The following MUC5AC variants were observed in gnomAD, a reference collection of about 807,000 sequenced individuals.
MUC5AC encodes mucin 5AC, oligomeric mucus/gel-forming, also known as mucin-5AC.
A neutral mutation model predicts 169.7 loss-of-function variants in MUC5AC; 158 were observed. The ratio of observed to expected loss-of-function variants is 0.93; its 90% confidence interval spans 0.82 to 1.06. MUC5AC has a LOEUF of 1.06. Among genes scored for constraint, MUC5AC ranks in the 50% least tolerant of loss-of-function variants. The pLI is 0.00. For missense variants in MUC5AC, 4,359 were observed against 3,089.9 expected (o/e 1.41, Z -9.74); for synonymous variants, 1,975 against 1,237.0 (o/e 1.60, Z -12.52).
At chr11:1,200,310 C>CA in intron 48 of MUC5AC, 128 bp from the exon 49 acceptor site, 1 of 601,190 alleles carries the variant, frequency 1.7e-6, no homozygotes, top group Non-Finnish European at 3.0e-6. Context: ...AGCTGGTTGT[C>CA]AGACACTGGC....
intron 43 of MUC5AC, among the ~76,000 whole-genome samples, chr11:1,198,542 C>T (rs1861342834): frequency 6.6e-6 from 1 of 150,410 alleles, no homozygotes; most frequent in African/African-American, 2.4e-5. Flanking sequence ...GGGACTTTGC[C>T]TCTCCTGGCA....
chr11:1,166,389 A>G (rs28699476), intron 11 of MUC5AC, among the ~76,000 whole-genome samples: 13,097 of 96,244 alleles, frequency 0.14, 1,696 homozygotes, highest in Non-Finnish European at 0.16. Context: ...GTCTCTCCAC[A>G]ATGAGACCCT....
At chr11:1,162,678 A>C in intron 5 of MUC5AC, 32 bp downstream of exon 5, 11 of 1,591,712 alleles carry the variant, frequency 6.9e-6, no homozygotes, top group Non-Finnish European at 9.5e-6. Flanking sequence ...CCGGTGTGCA[A>C]CTCCAGCCCT....
chr11:1,200,770 G>A lies in MUC5AC; in HGVS notation c.*68G>A. On this transcript the variant is annotated 3_prime_UTR_variant, in exon 49 of 49. Coordinates refer to ENST00000621226, the MANE Select transcript of MUC5AC (RefSeq NM_001304359.2). ...ATGTCCTCTGAGCTCGGCTTCCAAG[G>A]CCAGTGGAACTTGTGCCCCTGTCCA... The A allele has an allele frequency of 3.0e-6, 2 of 666,790 alleles. No individual in the cohort carries two copies. The highest frequency in any genetic ancestry group is 5.4e-6 in the Non-Finnish European group (2 of 368,070). The allele number at this position is 666,790 out of a possible 1,614,324, so 41.3% of individuals were successfully genotyped here.
intron 11 of MUC5AC, 103 bp from the exon 12 acceptor site, chr11:1,167,774 G>C (rs1860378144): frequency 1.0e-6 from 1 of 994,326 alleles, no homozygotes; most frequent in Non-Finnish European, 1.5e-6. Context: ...GTGGAGTGGG[G>C]TTTTCTAGTG....
chr11:1,159,825 C>T lies in MUC5AC; in HGVS notation c.74-787C>T, dbSNP rs1396712430. Among the ~76,000 whole-genome samples the T allele has an allele frequency of 2.9e-3, 60 of 20,566 alleles. 5 individuals are homozygous for T. Among genetic ancestry groups the T allele is most frequent in the African/African-American group, 8.7e-3 (59 of 6,820 alleles). The allele number at this position is 20,566 out of a possible 152,430, so 13.5% of individuals were successfully genotyped here. Reference sequence around the variant, plus strand: ...TCTGTGCAGGGCTGTGCAGGGCTGGCGTCTGGCCCCACCATGCTGGTTCTG... The same window carrying T: ...TCTGTGCAGGGCTGTGCAGGGCTGGTGTCTGGCCCCACCATGCTGGTTCTG... On this transcript the variant is annotated intron_variant, in intron 1 of 48. Coordinates refer to ENST00000621226, the MANE Select transcript of MUC5AC (RefSeq NM_001304359.2).
Position 1,195,001 on chromosome 11 carries a change from C to T in MUC5AC, c.15191-11C>T, listed in dbSNP as rs369196743. ...CTGTCCAGCAGCCTGACCCCCACCG[C>T]GTCTGCCCAGGCACTTGCACCAACG... On this transcript the variant is annotated splice_polypyrimidine_tract_variant and intron_variant, in intron 35 of 48. Coordinates refer to ENST00000621226, the MANE Select transcript of MUC5AC (RefSeq NM_001304359.2). 64 of 722,156 alleles carry T rather than the reference C, an allele frequency of 8.9e-5. No individual in the cohort carries two copies. The highest frequency in any genetic ancestry group is 6.9e-5 in the African/African-American group (4 of 58,146). The allele number at this position is 722,156 out of a possible 1,614,324, so 44.7% of individuals were successfully genotyped here.
chr11:1,163,181 AGCACACACGT>A (rs1288302929), intron 6 of MUC5AC, 136 bp downstream of exon 6: 11 of 837,380 alleles, frequency 1.3e-5, no homozygotes, highest in Non-Finnish European at 2.2e-5. Context: ...CTCCTAGCAC[AGCACACACGT>A]GCACACACGC....
intron 15 of MUC5AC, among the ~76,000 whole-genome samples, chr11:1,171,546 TACTCAACCACCC>T (rs1860537453): frequency 5.0e-5 from 1 of 19,882 alleles, no homozygotes; most frequent in South Asian, 1.7e-3. Flanking sequence ...CTCACTCACC[TACTCAACCACCC>T]ACTCACCCAC....
chr11:1,196,329 C>T (rs1018991509), intron 37 of MUC5AC, 59 bp from the exon 38 acceptor site: 210 of 755,562 alleles, frequency 2.8e-4, no homozygotes, highest in Non-Finnish European at 3.1e-4. Context: ...CCCAGCGGCC[C>T]GCGTTGCTCT....
chr11:1,173,818 A>G (rs1564910760), intron 16 of MUC5AC, among the ~76,000 whole-genome samples: 1 of 133,538 alleles, frequency 7.5e-6, no homozygotes, highest in Non-Finnish European at 1.6e-5. Flanking sequence ...TCCTTCACTC[A>G]CTCATTCACT....
In MUC5AC at chr11:1,184,227, A is replaced by T. The variant is rs1317123191; in HGVS notation, c.6082A>T (p.Asn2028Tyr). ...HTEGLICLNK[N>Y]QLPPICYNYE... is the part of the protein sequence containing the mutation. ...AGAGGGGCTGATTTGCCTGAACAAG[A>T]ACCAGCTCCCACCCATCTGCTACAA... The change falls in exon 31 of 49, where the codon AAC (asparagine) becomes TAC (tyrosine). Residue 2028 changes from asparagine to tyrosine, a missense_variant. Physicochemically the swap from Asn to Tyr is moderately radical, Grantham distance 143. Transcript: ENST00000621226. 9.9e-6 allele frequency: 4 copies of T among 405,242 alleles called. No individual in the cohort carries two copies. Among genetic ancestry groups the T allele is most frequent in the Non-Finnish European group, 1.7e-5 (4 of 230,762 alleles). The allele number at this position is 405,242 out of a possible 1,614,324, so 25.1% of individuals were successfully genotyped here. A position where few individuals can be genotyped will look rare whatever the true frequency, so the allele number is the denominator to read the frequency against.
At chr11:1,169,993 TTCACCCATTCACCCAC>T (rs1860454359) in intron 15 of MUC5AC, among the ~76,000 whole-genome samples, 1 of 78,404 alleles carries the variant, frequency 1.3e-5, no homozygotes, top group Non-Finnish European at 2.5e-5. Flanking sequence ...CACTCACCCA[TTCACCCATTCACCCAC>T]TCACTCACCC....
intron 48 of MUC5AC, 42 bp from the exon 49 acceptor site, chr11:1,200,395 TG>T (rs1402204481): frequency 1.5e-6 from 1 of 646,732 alleles, no homozygotes; most frequent in African/African-American, 1.8e-5. Flanking sequence ...GGCAGGAGGC[TG>T]GGGTGGCGCA....
Position 1,186,254 on chromosome 11 carries a change from T to A in MUC5AC, c.8109T>A (p.Val2703=), listed in dbSNP as rs1345921310. 3 of 746,730 alleles carry A rather than the reference T, an allele frequency of 4.0e-6. No individual in the cohort carries two copies. Among genetic ancestry groups the A allele is most frequent in the Admixed American group, 1.8e-5 (1 of 56,154 alleles). The allele number at this position is 746,730 out of a possible 1,614,324, so 46.3% of individuals were successfully genotyped here. The change falls in exon 31 of 49, where the codon GTT becomes GTA. Residue 2703 remains valine, a synonymous_variant. Transcript: ENST00000621226. ...TSGPGTTPSP[V]PTTSTTSAPT... is the part of the protein sequence containing the mutation. Reference sequence around the variant, plus strand: ...GTCCTGGAACTACTCCCAGCCCTGTTCCCACCACCAGCACAACCTCTGCTC... The same window carrying A: ...GTCCTGGAACTACTCCCAGCCCTGTACCCACCACCAGCACAACCTCTGCTC...
In MUC5AC at chr11:1,200,602, CGGGCGACACCCAGCACTCGGAG is replaced by C. The variant is rs1861403515; in HGVS notation, c.16867_16888del (p.Gly5623ArgfsTer118). 2.6e-6 allele frequency: 2 copies of C among 764,398 alleles called. No individual in the cohort carries two copies. Among genetic ancestry groups the C allele is most frequent in the Non-Finnish European group, 4.8e-6 (2 of 417,560 alleles). The allele number at this position is 764,398 out of a possible 1,614,324, so 47.4% of individuals were successfully genotyped here. On this transcript the variant is annotated frameshift_variant, in exon 49 of 49. Transcript: ENST00000621226. LOFTEE classifies it low-confidence loss of function (END_TRUNC). ...TGCATGGGCCGGCGGTGCCCTGCGCCGGGCGACACCCAGCACTCGGAGGAGGCGGAACCCGAGCCCAGCCAGG... is the reference window on the plus strand; with the variant it reads ...TGCATGGGCCGGCGGTGCCCTGCGCCGAGGCGGAACCCGAGCCCAGCCAGG...
intron 5 of MUC5AC, 134 bp from the exon 6 acceptor site, chr11:1,162,820 GC>G: frequency 2.0e-6 from 2 of 1,023,970 alleles, no homozygotes; most frequent in Non-Finnish European, 3.0e-6. Flanking sequence ...CGGGGTCTGT[GC>G]CCCCAGGATG....
intron 15 of MUC5AC, among the ~76,000 whole-genome samples, chr11:1,169,347 A>G (rs1860430004): frequency 6.6e-6 from 1 of 151,166 alleles, no homozygotes; most frequent in African/African-American, 2.4e-5. Context: ...CCACCCGTTC[A>G]CCCATTCACT....
rs1860401875 is a variant in MUC5AC at position 1,168,609 on chromosome 11, C to G, written c.1568-33C>G. The stretch of plus-strand genomic sequence containing the variant: ...GCTGCCTGGGGTCCCGCCCCACAGC[C>G]CCCAGCAAAACCCTTGTCCTTTGTG... On this transcript the variant is annotated intron_variant, in intron 13 of 48. Coordinates refer to ENST00000621226, the MANE Select transcript of MUC5AC (RefSeq NM_001304359.2). 5.0e-6 allele frequency: 8 copies of G among 1,612,276 alleles called. No individual in the cohort carries two copies. In the East Asian group the frequency reaches 1.8e-4, roughly 36 times the overall value.
Sources: allele counts gnomAD v4.1 joint callset (sites outside exome capture counted in the v4.1 genomes callset), GRCh38; gene constraint gnomAD v4.1.1; transcripts MANE v1.5; gene names NCBI Gene and HGNC (gene_info 2026-07-23, HGNC 2026-07-21).